Variants in MAGI1 observed in about 807,000 individuals in gnomAD.
The protein encoded by MAGI1 is membrane-associated guanylate kinase, WW and PDZ domain-containing protein 1.
A neutral mutation model predicts 139.9 loss-of-function variants in MAGI1; 58 were observed. That is an observed-to-expected ratio of 0.41 (90% CI 0.34 to 0.52). The LOEUF is 0.52. Ranked by LOEUF, MAGI1 falls within the 20% of genes least tolerant of loss-of-function variation. The probability of loss-of-function intolerance (pLI) is 0.12; values close to 1 mark genes in which losing one functional copy is unlikely to be tolerated. For missense variants in MAGI1, 1,874 were observed against 1,901.6 expected, an observed-to-expected ratio of 0.99 and a Z score of 0.27; for synonymous variants, 812 against 737.9, an observed-to-expected ratio of 1.10 and a Z score of -1.63.
At chr3:65,688,056 T>G in intron 1 of MAGI1, 1 of 776,214 alleles carries the variant, frequency 1.3e-6, no homozygotes, top group Non-Finnish European at 2.3e-6. Context: ...TAAGTCATTA[T>G]GCTGTGATAA....
At chr3:65,689,935 G>A (rs1202507989) in intron 1 of MAGI1, among the ~76,000 whole-genome samples, 3 of 152,124 alleles carry the variant, frequency 2.0e-5, no homozygotes, top group Non-Finnish European at 2.9e-5. Context: ...GCTGCTTCTG[G>A]CCGCACCACC....
chr3:65,662,695 C>T (rs2086266470), intron 1 of MAGI1, among the ~76,000 whole-genome samples: 1 of 152,142 alleles, frequency 6.6e-6, no homozygotes, highest in Non-Finnish European at 1.5e-5. Flanking sequence ...CTCACATAGT[C>T]ACCTCTTTTT....
Position 65,397,804 on chromosome 3 carries a change from C to G in MAGI1, c.2199+3635G>C, listed in dbSNP as rs183612277. ...ATGTTATATTTCTGCTTTATTAATGCTCATCACACTTTAATCCCTATGAGG... is the reference window on the plus strand; with the variant it reads ...ATGTTATATTTCTGCTTTATTAATGGTCATCACACTTTAATCCCTATGAGG... On this transcript the variant is annotated intron_variant, in intron 13 of 22. Coordinates refer to ENST00000402939, the MANE Select transcript of MAGI1 (RefSeq NM_001033057.2). Among the ~76,000 whole-genome samples the G allele has an allele frequency of 1.3e-3, 192 of 152,232 alleles. 1 individual carries two copies. Among genetic ancestry groups the G allele is most frequent in the Non-Finnish European group, 8.4e-4 (57 of 68,006 alleles).
At chr3:65,992,683 A>G (rs1304595081) in intron 1 of MAGI1, among the ~76,000 whole-genome samples, 1 of 152,236 alleles carries the variant, frequency 6.6e-6, no homozygotes, top group African/African-American at 2.4e-5. Flanking sequence ...TAGTTGGCAC[A>G]TGGACCATAT....
intron 1 of MAGI1, among the ~76,000 whole-genome samples, chr3:65,843,701 T>C (rs577946865): frequency 4.6e-5 from 7 of 152,274 alleles, no homozygotes; most frequent in Admixed American, 2.0e-4. Context: ...GTCATCACCA[T>C]GACTTAAACA....
In MAGI1 at chr3:65,934,764, TG is replaced by T. The variant is rs1448520333; in HGVS notation, c.313+103231del. Among the ~76,000 whole-genome samples, 118 of 151,214 alleles carry T rather than the reference TG, an allele frequency of 7.8e-4. 1 individual carries two copies. The highest frequency in any genetic ancestry group is 2.4e-3 in the African/African-American group (98 of 41,260). ...AGATTGTGGGCTGAGAAGAAAAAGT[TG>T]TTGTTTTTTTTTTTTTTTAAGGGGA... On this transcript the variant is annotated intron_variant, in intron 1 of 22. Transcript: ENST00000402939.
chr3:65,527,636 A>T (rs886407197), intron 2 of MAGI1, among the ~76,000 whole-genome samples: 4 of 152,264 alleles, frequency 2.6e-5, no homozygotes, highest in African/African-American at 9.6e-5. Flanking sequence ...GAGGCAAGAG[A>T]ACAGTGTGAA....
At chr3:65,420,163 C>T (rs944058256) in intron 12 of MAGI1, among the ~76,000 whole-genome samples, 8 of 152,096 alleles carry the variant, frequency 5.3e-5, no homozygotes, top group Admixed American at 3.3e-4. Context: ...GTCCCTTCAC[C>T]GTGTGAATCT....
intron 1 of MAGI1, among the ~76,000 whole-genome samples, chr3:65,650,837 T>C (rs1339057287): frequency 6.6e-6 from 1 of 152,214 alleles, no homozygotes; most frequent in Admixed American, 6.5e-5. Flanking sequence ...ATGAGAGGCA[T>C]TGACATAAAC....
At chr3:65,970,987 G>A (rs183184990) in intron 1 of MAGI1, among the ~76,000 whole-genome samples, 39 of 152,268 alleles carry the variant, frequency 2.6e-4, no homozygotes, top group East Asian at 9.7e-4. Flanking sequence ...GGCGGATCAC[G>A]GGTACAAGAG....
intron 1 of MAGI1, among the ~76,000 whole-genome samples, chr3:65,891,939 T>TATATATAC (rs2060786981): frequency 1.0e-5 from 1 of 99,384 alleles, no homozygotes; most frequent in African/African-American, 3.8e-5. Flanking sequence ...TATATATATA[T>TATATATAC]ATACCCGTGT....
At chr3:65,637,556 A>AAAG (rs2084700863) in intron 1 of MAGI1, among the ~76,000 whole-genome samples, 25 of 127,978 alleles carry the variant, frequency 2.0e-4, no homozygotes, top group African/African-American at 5.5e-4. Context: ...TGTCTCCAAA[A>AAAG]AAAGAAAGAA....
chr3:65,832,649 T>C (rs908215264), intron 1 of MAGI1, among the ~76,000 whole-genome samples: 1 of 152,110 alleles, frequency 6.6e-6, no homozygotes, highest in African/African-American at 2.4e-5. Context: ...TTCATTTTTC[T>C]GACCATCTCT....
rs1242730392 is a variant in MAGI1 at position 65,379,383 on chromosome 3, C to T, written c.2873G>A (p.Gly958Asp). Residue 958 changes from glycine to aspartate, a missense_variant, in exon 17 of 23, where the codon GGC (glycine) becomes GAC (aspartate). Around this residue, in one of 5 missense-constraint regions of MAGI1, gnomAD observed 482 missense variants for 509.6 expected, o/e 0.95. Coordinates refer to ENST00000402939, the MANE Select transcript of MAGI1 (RefSeq NM_001033057.2). ...TSGIGSGGGG[G>D]SGVVSTVVQP... is the part of the protein sequence containing the mutation. Reference sequence around the variant, plus strand: ...CACCACGGTGCTGACCACGCCGCTGCCCCCGCCGCCGCCACTGCCGATGCC... The same window carrying T: ...CACCACGGTGCTGACCACGCCGCTGTCCCCGCCGCCGCCACTGCCGATGCC... 1.9e-6 allele frequency: 3 copies of T among 1,612,370 alleles called. No homozygotes were observed. The highest frequency in any genetic ancestry group is 1.3e-5 in the African/African-American group (1 of 74,884).
intron 2 of MAGI1, among the ~76,000 whole-genome samples, chr3:65,564,675 A>G (rs535830540): frequency 4.6e-5 from 7 of 152,350 alleles, no homozygotes; most frequent in South Asian, 2.1e-4. Context: ...TCTCATGTTC[A>G]ATAGCAACGG....
chr3:65,605,648 G>GGGCTTTCAA (rs1369568576), intron 2 of MAGI1, among the ~76,000 whole-genome samples: 7 of 152,086 alleles, frequency 4.6e-5, no homozygotes, highest in Non-Finnish European at 1.0e-4. Context: ...AGGGCTTTCA[G>GGGCTTTCAA]CAGATAAGAG....
At chr3:65,879,295 C>T (rs114722938) in intron 1 of MAGI1, among the ~76,000 whole-genome samples, 1 of 151,916 alleles carries the variant, frequency 6.6e-6, no homozygotes, top group African/African-American at 2.4e-5. Flanking sequence ...CCCCTGTTTT[C>T]GGCAATCATT....
chr3:65,484,613 C>A (rs1197619995), intron 3 of MAGI1, among the ~76,000 whole-genome samples: 4 of 152,162 alleles, frequency 2.6e-5, no homozygotes, highest in Non-Finnish European at 4.4e-5. Context: ...CATGCCCACT[C>A]TCCAAGCACT....
intron 9 of MAGI1, among the ~76,000 whole-genome samples, chr3:65,439,200 A>G (rs954605576): frequency 2.0e-5 from 3 of 152,198 alleles, no homozygotes; most frequent in South Asian, 4.1e-4. Flanking sequence ...AGCTAAATCT[A>G]TATTAGCCAA....
Sources: gnomAD v4.1 joint callset for allele counts (sites outside exome capture counted in the v4.1 genomes callset) on GRCh38, gnomAD v4.1.1 for gene constraint, gnomAD v4.1.1 regional missense constraint, MANE v1.5 for transcripts, NCBI Gene and HGNC (gene_info 2026-07-23, HGNC 2026-07-21) for gene names.